Variants in KIF12 observed in about 807,000 individuals in gnomAD.
KIF12 encodes kinesin family member 12, also known as kinesin-like protein KIF12.
A neutral mutation model predicts 87.9 loss-of-function variants in KIF12; 80 were observed. The ratio of observed to expected loss-of-function variants is 0.91; its 90% CI spans 0.76 to 1.10. The LOEUF (loss-of-function observed/expected upper bound fraction) is 1.10. Among genes scored for constraint, KIF12 ranks in the 50% least tolerant of loss-of-function variants. The pLI is 0.00. For missense variants in KIF12, 819 were observed against 865.3 expected (o/e 0.95, Z 0.67); for synonymous variants, 353 against 348.5 (o/e 1.01, Z -0.14).
chr9:114,097,964 C>A (rs1039905519), intron 5 of KIF12, 151 bp downstream of exon 5: 10 of 969,340 alleles, frequency 1.0e-5, no homozygotes, highest in Middle Eastern at 3.3e-4. Flanking sequence ...AGTCCCTTCT[C>A]TTTGGTCCTC....
chr9:114,098,875 G>A (rs2134917892), intron 3 of KIF12, 60 bp downstream of exon 3: 1 of 1,523,454 alleles, frequency 6.6e-7, no homozygotes, highest in Non-Finnish European at 8.8e-7. Context: ...GTTGCCTGGG[G>A]GAAGGGATCT....
chr9:114,093,838 G>T, intron 14 of KIF12, 48 bp downstream of exon 14: 1 of 1,506,946 alleles, frequency 6.6e-7, no homozygotes, highest in Non-Finnish European at 9.2e-7. Context: ...CCTTTTCCCA[G>T]CTGCCCTCTG....
intron 11 of KIF12, 141 bp downstream of exon 11, chr9:114,094,882 T>G: frequency 1.3e-6 from 1 of 745,828 alleles, no homozygotes; most frequent in East Asian, 2.7e-5. Context: ...TATACAACCA[T>G]GATACCGATT....
intron 18 of KIF12, 114 bp from the exon 19 acceptor site, chr9:114,092,114 TCCCCC>T: frequency 7.2e-7 from 1 of 1,389,288 alleles, no homozygotes; most frequent in Non-Finnish European, 9.5e-7. Flanking sequence ...CCTCCACCCT[TCCCCC>T]CACCCCACCC....
Position 114,096,442 on chromosome 9 carries a change from T to C in KIF12, c.683A>G (p.Asn228Ser). The C allele has an allele frequency of 3.7e-6, 6 of 1,612,786 alleles. No homozygotes were observed. The highest frequency in any genetic ancestry group is 5.1e-6 in the Non-Finnish European group (6 of 1,179,564). The change falls in exon 8 of 19, where the codon AAC becomes AGC. Residue 228 changes from asparagine to serine, a missense_variant. Asn to Ser is a conservative substitution (Grantham distance 46). Transcript: ENST00000640217. ...SRRRNSAHTL[N>S]QASSRSHALL... ...GGCATGGCTTCGGCTGGAGGCCTGG[T>C]TCAGGGTGTGGGCTGAGTTCCTTCG... is the stretch of plus-strand genomic sequence containing the variant.
At chr9:114,094,997 C>A in intron 11 of KIF12, 26 bp downstream of exon 11, 1 of 1,527,644 alleles carries the variant, frequency 6.5e-7, no homozygotes, top group South Asian at 1.3e-5. Context: ...ACGCCTGTCC[C>A]TCAGCTTGTG....
At chr9:114,095,773 GTC>G (rs200814373) in intron 9 of KIF12, among the ~76,000 whole-genome samples, 3,516 of 152,270 alleles carry the variant, frequency 0.023, 130 homozygotes, top group African/African-American at 0.079. Context: ...CATGCCAAAT[GTC>G]TCTGAGGGTT....
Position 114,095,320 on chromosome 9 carries a change from G to A in KIF12, c.908C>T (p.Ser303Phe), listed in dbSNP as rs968002921. 1 of 1,613,284 alleles carries A rather than the reference G, an allele frequency of 6.2e-7. No individual in the cohort carries two copies. Among genetic ancestry groups the A allele is most frequent in the African/African-American group, 1.3e-5 (1 of 75,046 alleles). Reference protein sequence around the residue: ...RSLLALGHCISLLLDPQRKQS... With the variant: ...RSLLALGHCIFLLLDPQRKQS... Reference sequence around the variant, plus strand: ...CTTCCGCTGTGGGTCCAGCAGCAGGGAGATGCAGTGACCTGGGGAGGGAGA... The same window carrying A: ...CTTCCGCTGTGGGTCCAGCAGCAGGAAGATGCAGTGACCTGGGGAGGGAGA... Residue 303 changes from serine to phenylalanine, a missense_variant, in exon 10 of 19, where the codon TCC becomes TTC. Transcript: ENST00000640217.
Position 114,097,932 on chromosome 9 carries a change from C to G in KIF12, c.375+183G>C. The G allele has an allele frequency of 3.2e-6, 3 of 928,886 alleles. 1 individual carries two copies. In the South Asian group the frequency reaches 5.3e-5, roughly 16 times the overall value. The allele number at this position is 928,886 out of a possible 1,614,324, so 57.5% of individuals were successfully genotyped here. A position where few individuals can be genotyped will look rare whatever the true frequency, so the allele number is the denominator to read the frequency against. On this transcript the variant is annotated intron_variant, in intron 5 of 18. Transcript: ENST00000640217. ...AGCTAGGAAGGGGCCAAAGTTGAAGCCCAAATGCTCCAAATTGGGCAAGTC... is the reference window on the plus strand; with the variant it reads ...AGCTAGGAAGGGGCCAAAGTTGAAGGCCAAATGCTCCAAATTGGGCAAGTC...
rs1847039906 is a variant in KIF12 at position 114,092,595 on chromosome 9, G to A, written c.1644C>T (p.Pro548=). The change falls in exon 17 of 19, where the codon CCC becomes CCT. Residue 548 remains proline, a synonymous_variant. Coordinates refer to ENST00000640217, the MANE Select transcript of KIF12 (RefSeq NM_001388308.1). ...ASGGRPPSAR[P]PPWAPPCSPG... ...GGCTGCATGGGGGTGCCCAGGGTGG[G>A]GGCCGGGCAGATGGGGGCCTGCCAC... 1.2e-6 allele frequency: 2 copies of A among 1,604,532 alleles called. No homozygotes were observed. The highest frequency in any genetic ancestry group is 2.2e-5 in the East Asian group (1 of 44,678).
Position 114,097,722 on chromosome 9 carries a change from G to T in KIF12, c.395C>A (p.Pro132His), listed in dbSNP as rs1176748516. 3 of 1,613,824 alleles carry T rather than the reference G, an allele frequency of 1.9e-6. No homozygotes were observed. The highest frequency in any genetic ancestry group is 2.5e-6 in the Non-Finnish European group (3 of 1,179,968). ...PPPQGEGVPVPPSLAGIMQRT... is the reference protein window; with the variant it reads ...PPPQGEGVPVHPSLAGIMQRT... ...CTGCATGATGCCAGCCAGGCTGGGG[G>T]GTACAGGCACCCCCTCCCCCTAGGG... Residue 132 changes from proline to histidine, a missense_variant, in exon 6 of 19, where the codon CCC becomes CAC. Physicochemically the swap from Pro to His is moderately conservative, Grantham distance 77 (BLOSUM62 -2). Coordinates refer to ENST00000640217, the MANE Select transcript of KIF12 (RefSeq NM_001388308.1).
chr9:114,097,127 G>A (rs1847263931), intron 7 of KIF12, among the ~76,000 whole-genome samples, 174 bp downstream of exon 7: 1 of 151,540 alleles, frequency 6.6e-6, no homozygotes, highest in Admixed American at 6.6e-5. Flanking sequence ...CTTGTTGGCA[G>A]TGCGGGGAGG....
intron 11 of KIF12, 85 bp downstream of exon 11, chr9:114,094,938 C>T: frequency 1.6e-6 from 2 of 1,224,036 alleles, no homozygotes; most frequent in Non-Finnish European, 2.3e-6. Flanking sequence ...TCCAAGACTT[C>T]AATCAAGGGA....
intron 7 of KIF12, 128 bp from the exon 8 acceptor site, chr9:114,096,606 G>A: frequency 1.3e-6 from 1 of 770,090 alleles, no homozygotes; most frequent in South Asian, 1.6e-5. Flanking sequence ...CAACAGAGTG[G>A]GTGTTGTTCA....
chr9:114,092,343 T>C lies in KIF12; in HGVS notation c.1806A>G (p.Pro602=). ...PLPVRPPKTS[P]GLRGGAGVPN... ...CTCTCCCTTCTTCACCTCTGAGCCC[T>C]GGTGATGTCTTCGGGGGCCTCACAG... The change falls in exon 18 of 19, where the codon CCA becomes CCG. Residue 602 remains proline, a synonymous_variant. Transcript: ENST00000640217. 3.1e-6 allele frequency: 5 copies of C among 1,589,598 alleles called. No homozygotes were observed. The highest frequency in any genetic ancestry group is 4.3e-6 in the Non-Finnish European group (5 of 1,169,624).
Position 114,097,449 on chromosome 9 carries a change from G to T in KIF12, c.511-13C>A. ...GCAAGTCCCGAACCTGGGAGGGGAG[G>T]GAGGAGGGTGAGGGAAGGGGATCTT... On this transcript the variant is annotated splice_polypyrimidine_tract_variant and intron_variant, in intron 6 of 18. Transcript: ENST00000640217. 1 of 1,586,662 alleles carries T rather than the reference G, an allele frequency of 6.3e-7. No homozygotes were observed. Among genetic ancestry groups the T allele is most frequent in the Non-Finnish European group, 8.6e-7 (1 of 1,167,530 alleles).
rs1188987858 is a variant in KIF12 at position 114,094,374 on chromosome 9, GCT to G, written c.1199_1200del (p.Gln400ProfsTer35). The G allele has an allele frequency of 6.2e-7, 1 of 1,613,706 alleles. No homozygotes were observed. The highest frequency in any genetic ancestry group is 1.1e-5 in the South Asian group (1 of 91,064). The stretch of plus-strand genomic sequence containing the variant: ...ATACCCTTGCAGTCCATTTGGTCCA[GCT>G]GGAACTGCAGGCGACGGTTCTCCTC... ...LQEENRRLQF[Q>X]LDQMDCKASG... On this transcript the variant is annotated frameshift_variant, in exon 12 of 19. Coordinates refer to ENST00000640217, the MANE Select transcript of KIF12 (RefSeq NM_001388308.1). LOFTEE classifies it high-confidence loss of function.
intron 3 of KIF12, 150 bp downstream of exon 3, chr9:114,098,785 C>A: frequency 1.2e-6 from 1 of 843,814 alleles, no homozygotes; most frequent in Non-Finnish European, 1.7e-6. Context: ...GGCTGGGCAT[C>A]CTGGAAGGGA....
In KIF12 at chr9:114,095,316, C is replaced by T. The variant is rs1020521717; in HGVS notation, c.912G>A (p.Leu304=). 7.4e-6 allele frequency: 12 copies of T among 1,613,276 alleles called. No homozygotes were observed. The highest frequency in any genetic ancestry group is 1.1e-5 in the South Asian group (1 of 91,068). ...SLLALGHCIS[L]LLDPQRKQSH... ...TCTGCTTCCGCTGTGGGTCCAGCAG[C>T]AGGGAGATGCAGTGACCTGGGGAGG... Residue 304 remains leucine, a synonymous_variant, in exon 10 of 19, where the codon CTG becomes CTA. Coordinates refer to ENST00000640217, the MANE Select transcript of KIF12 (RefSeq NM_001388308.1).
Sources: allele counts gnomAD v4.1 joint callset (sites outside exome capture counted in the v4.1 genomes callset), GRCh38; gene constraint gnomAD v4.1.1; transcripts MANE v1.5; gene names NCBI Gene and HGNC (gene_info 2026-07-23, HGNC 2026-07-21).